Variants in CDH9 observed in about 807,000 individuals in gnomAD.
The protein encoded by CDH9 is cadherin 9.
CDH9 carries 28 observed loss-of-function variants against 70.9 expected under a neutral mutation model. The observed-to-expected ratio is 0.40, with a 90% CI of 0.29 to 0.54. The LOEUF (loss-of-function observed/expected upper bound fraction) is 0.54, where lower values mean the gene tolerates loss of function less well. CDH9 is among the 20% of genes least tolerant of loss of function. The pLI is 0.59. For missense variants in CDH9, 874 were observed against 984.4 expected, an observed-to-expected ratio of 0.89 and a Z score of 1.50; for synonymous variants, 409 against 343.1, an observed-to-expected ratio of 1.19 and a Z score of -2.12.
rs189678320 is a variant in CDH9, at chr5:27,015,285, G to A, written c.-50+23178C>T. Among the ~76,000 whole-genome samples, 7 of 151,744 alleles carry A rather than the reference G, an allele frequency of 4.6e-5. No homozygotes were observed. The East Asian group carries it at 1.4e-3, about 30-fold the overall frequency. The stretch of plus-strand genomic sequence containing the variant: ...TATTATTTTATCTCTAAATGATCGT[G>A]TTCTCACTATTGATATTTATTAAGA... On this transcript the variant is annotated intron_variant, in intron 1 of 11. Coordinates refer to ENST00000231021, the MANE Select transcript of CDH9 (RefSeq NM_016279.4).
At chr5:26,887,876 AG>A (rs2111970028) in intron 9 of CDH9, among the ~76,000 whole-genome samples, 1 of 152,264 alleles carries the variant, frequency 6.6e-6, no homozygotes, top group East Asian at 1.9e-4. Flanking sequence ...ATGGCTGGCA[AG>A]CACATGAAGC....
intron 1 of CDH9, among the ~76,000 whole-genome samples, chr5:27,014,696 A>G (rs1743016792): frequency 6.6e-6 from 1 of 151,892 alleles, no homozygotes; most frequent in Admixed American, 6.6e-5. Context: ...AGGAAACATT[A>G]AGAAATACAT....
intron 1 of CDH9, among the ~76,000 whole-genome samples, chr5:27,002,041 T>C (rs140333736): frequency 0.012 from 1,873 of 151,852 alleles, 56 homozygotes; most frequent in African/African-American, 0.043. Context: ...GGGCTAATAT[T>C]CAGAATCTAC....
At chr5:27,001,267 T>C (rs1057445020) in intron 1 of CDH9, among the ~76,000 whole-genome samples, 1 of 152,124 alleles carries the variant, frequency 6.6e-6, no homozygotes, top group African/African-American at 2.4e-5. Context: ...TAAGTAATTT[T>C]CCAAAGTTGA....
intron 11 of CDH9, among the ~76,000 whole-genome samples, chr5:26,882,661 T>C (rs1177708749): frequency 1.3e-5 from 2 of 152,030 alleles, no homozygotes; most frequent in Non-Finnish European, 2.9e-5. Flanking sequence ...GAAAATATCT[T>C]CAAAACACAC....
chr5:26,894,449 ACT>A (rs926832625), intron 7 of CDH9, among the ~76,000 whole-genome samples: 5 of 152,062 alleles, frequency 3.3e-5, no homozygotes, highest in African/African-American at 9.7e-5. Flanking sequence ...CTTGAAAGAC[ACT>A]GTTTTTCACT....
chr5:26,918,491 A>G (rs1428949541), intron 2 of CDH9, among the ~76,000 whole-genome samples: 1 of 152,244 alleles, frequency 6.6e-6, no homozygotes, highest in East Asian at 1.9e-4. Flanking sequence ...CTTGAAGACC[A>G]TAAATATTTC....
At chr5:26,945,872 T>C (rs1294144182) in intron 2 of CDH9, among the ~76,000 whole-genome samples, 2 of 152,156 alleles carry the variant, frequency 1.3e-5, no homozygotes, top group Non-Finnish European at 2.9e-5. Flanking sequence ...TTGCTATCCA[T>C]TCTTTTCCGT....
At chr5:26,895,533 T>C (rs751009789) in intron 7 of CDH9, among the ~76,000 whole-genome samples, 18 of 152,026 alleles carry the variant, frequency 1.2e-4, no homozygotes, top group Non-Finnish European at 2.2e-4. Flanking sequence ...AAAGGATCTT[T>C]TAAAAATCAT....
intron 1 of CDH9, among the ~76,000 whole-genome samples, chr5:27,012,630 T>C (rs185539670): frequency 6.6e-6 from 1 of 152,074 alleles, no homozygotes; most frequent in African/African-American, 2.4e-5. Flanking sequence ...TACAGATTAT[T>C]TGTACAAGCC....
chr5:26,933,146 G>C lies in CDH9; in HGVS notation c.229-17222C>G, dbSNP rs7721338. Reference sequence around the variant, plus strand: ...ATATAAATATAGTTATATTTAACTTGAATATATATAATTAATAAATATATA... The same window carrying C: ...ATATAAATATAGTTATATTTAACTTCAATATATATAATTAATAAATATATA... On this transcript the variant is annotated intron_variant, in intron 2 of 11. Transcript: ENST00000231021. Among the ~76,000 whole-genome samples, 813 of 146,192 alleles carry C rather than the reference G, an allele frequency of 5.6e-3. 6 individuals are homozygous for C. The highest frequency in any genetic ancestry group is 0.019 in the African/African-American group (786 of 40,354).
At chr5:27,033,381 C>A (rs1208126045) in intron 1 of CDH9, among the ~76,000 whole-genome samples, 1 of 151,186 alleles carries the variant, frequency 6.6e-6, no homozygotes, top group Non-Finnish European at 1.5e-5. Context: ...TGCATACACA[C>A]ACAAACATAC....
At chr5:26,903,534 A>C (rs754119343) in intron 6 of CDH9, 103 bp downstream of exon 6, 1 of 821,226 alleles carries the variant, frequency 1.2e-6, no homozygotes, top group East Asian at 2.4e-5. Context: ...GACAGCATGT[A>C]AAAGATGGGG....
At chr5:26,979,244 A>G (rs1424569267) in intron 2 of CDH9, among the ~76,000 whole-genome samples, 1 of 151,726 alleles carries the variant, frequency 6.6e-6, no homozygotes, top group Non-Finnish European at 1.5e-5. Context: ...GATAAATTAT[A>G]CTATTGTAAG....
intron 3 of CDH9, among the ~76,000 whole-genome samples, chr5:26,913,780 T>TGTGTGTGTGTGC (rs1193998524): frequency 6.6e-6 from 1 of 151,698 alleles, no homozygotes; most frequent in African/African-American, 2.4e-5. Context: ...TGTGTGTGTG[T>TGTGTGTGTGTGC]GTGTGTGTGT....
chr5:26,933,562 T>G (rs983839484), intron 2 of CDH9, among the ~76,000 whole-genome samples: 3 of 151,496 alleles, frequency 2.0e-5, no homozygotes, highest in African/African-American at 7.3e-5. Context: ...GGATCACAAG[T>G]CAAGAGATCG....
At chr5:26,986,146 T>G (rs558110039) in intron 2 of CDH9, among the ~76,000 whole-genome samples, 1 of 152,232 alleles carries the variant, frequency 6.6e-6, no homozygotes, top group African/African-American at 2.4e-5. Flanking sequence ...TACATATTAT[T>G]TCCTACTGGA....
chr5:27,015,988 C>T (rs547369740), intron 1 of CDH9, among the ~76,000 whole-genome samples: 1 of 151,882 alleles, frequency 6.6e-6, no homozygotes, highest in East Asian at 1.9e-4. Context: ...ATTGTACAGA[C>T]AAAGACAAAT....
rs1057430209 is a variant in CDH9 at position 26,960,699 on chromosome 5, G to A, written c.228+27407C>T. Among the ~76,000 whole-genome samples, 4 of 151,848 alleles carry A rather than the reference G, an allele frequency of 2.6e-5. No homozygotes were observed. In the South Asian group the frequency reaches 6.2e-4, roughly 24 times the overall value. On this transcript the variant is annotated intron_variant, in intron 2 of 11. Coordinates refer to ENST00000231021, the MANE Select transcript of CDH9 (RefSeq NM_016279.4). The stretch of plus-strand genomic sequence containing the variant: ...TAAATAAATTTAGATAATTATAATT[G>A]TAAATCTTATTTAATATGTTGTTCT...
Sources: allele counts gnomAD v4.1 joint callset (sites outside exome capture counted in the v4.1 genomes callset), GRCh38; gene constraint gnomAD v4.1.1; transcripts MANE v1.5; gene names NCBI Gene and HGNC (gene_info 2026-07-23, HGNC 2026-07-21).